Variants in GRID2 observed in about 807,000 individuals in gnomAD.
GRID2 encodes glutamate ionotropic receptor delta type subunit 2, also known as glutamate receptor ionotropic, delta-2.
A neutral mutation model predicts 114.8 loss-of-function variants in GRID2; 33 were observed. The observed-to-expected ratio is 0.29, with a 90% confidence interval of 0.22 to 0.38. GRID2 has a LOEUF of 0.38. Among genes scored for constraint, GRID2 ranks in the 10% least tolerant of loss-of-function variants. The pLI is 1.00. For missense variants in GRID2, 1,184 were observed against 1,257.7 expected (o/e 0.94, Z 0.89); for synonymous variants, 505 against 449.9 (o/e 1.12, Z -1.55).
intron 11 of GRID2, among the ~76,000 whole-genome samples, chr4:93,477,409 G>A (rs1212566879): frequency 6.6e-6 from 1 of 152,064 alleles, no homozygotes; most frequent in Non-Finnish European, 1.5e-5. Flanking sequence ...AACCTGCTTT[G>A]ATTATCCATT....
intron 8 of GRID2, among the ~76,000 whole-genome samples, chr4:93,266,293 A>G (rs1403295265): frequency 1.3e-5 from 2 of 152,318 alleles, no homozygotes; most frequent in East Asian, 1.9e-4. Flanking sequence ...ATACTAAACT[A>G]TATTTCATAG....
chr4:93,666,953 C>T (rs17020948), intron 14 of GRID2, among the ~76,000 whole-genome samples: 10,343 of 152,034 alleles, frequency 0.068, 408 homozygotes, highest in South Asian at 0.11. Flanking sequence ...AGGTTGGTAT[C>T]GGGTGCTCTA....
rs576704230 is a variant in GRID2 at position 92,935,586 on chromosome 4, G to C, written c.245-149409G>C. 3.3e-4 allele frequency among the ~76,000 whole-genome samples: 48 copies of C among 146,642 alleles called. 10 individuals carry two copies. The South Asian group carries it at 8.8e-3, about 27-fold the overall frequency. On this transcript the variant is annotated intron_variant, in intron 2 of 15. Transcript: ENST00000282020. The stretch of plus-strand genomic sequence containing the variant: ...TGCTGCTATAAAAACACACACACAC[G>C]TATGTTTATTGCGGCACTATTCACA...
At chr4:92,738,748 C>T (rs1055519626) in intron 2 of GRID2, among the ~76,000 whole-genome samples, 14 of 152,022 alleles carry the variant, frequency 9.2e-5, no homozygotes, top group Admixed American at 7.9e-4. Context: ...AACTCCTAGG[C>T]TTAAGTGATT....
chr4:93,125,546 C>T (rs989925175), intron 4 of GRID2, among the ~76,000 whole-genome samples: 2 of 152,014 alleles, frequency 1.3e-5, no homozygotes, highest in African/African-American at 2.4e-5. Flanking sequence ...CCTCTCTAAT[C>T]GGCCAAAAAC....
At chr4:92,430,188 G>A (rs1324347288) in intron 1 of GRID2, among the ~76,000 whole-genome samples, 1 of 152,130 alleles carries the variant, frequency 6.6e-6, no homozygotes, top group African/African-American at 2.4e-5. Context: ...ACAGACCAAT[G>A]TCGTGGAAAG....
At chr4:93,170,488 G>A (rs1040468119) in intron 4 of GRID2, among the ~76,000 whole-genome samples, 4 of 152,036 alleles carry the variant, frequency 2.6e-5, no homozygotes, top group African/African-American at 4.8e-5. Context: ...CATCACATCC[G>A]GATGTGTGTT....
intron 2 of GRID2, among the ~76,000 whole-genome samples, chr4:93,072,187 C>CT (rs1175820567): frequency 2.6e-5 from 4 of 152,060 alleles, no homozygotes; most frequent in Admixed American, 2.6e-4. Flanking sequence ...CTATTAAACT[C>CT]TAATTTTTTT....
chr4:92,347,773 G>A (rs1377593741), intron 1 of GRID2, among the ~76,000 whole-genome samples: 1 of 152,014 alleles, frequency 6.6e-6, no homozygotes, highest in African/African-American at 2.4e-5. Flanking sequence ...TAAGAACAAA[G>A]AACAGAGTTT....
At chr4:93,563,767 T>C (rs894602786) in intron 13 of GRID2, among the ~76,000 whole-genome samples, 6 of 151,960 alleles carry the variant, frequency 3.9e-5, no homozygotes, top group Admixed American at 1.3e-4. Flanking sequence ...GCTTAAACAT[T>C]TGAAGAAATA....
At chr4:92,512,746 C>T in intron 1 of GRID2, among the ~76,000 whole-genome samples, 1 of 151,798 alleles carries the variant, frequency 6.6e-6, no homozygotes, top group Non-Finnish European at 1.5e-5. Flanking sequence ...TATATCTCAA[C>T]TGGCAAATCA....
At chr4:93,565,568 A>T (rs1735334382) in intron 13 of GRID2, among the ~76,000 whole-genome samples, 1 of 152,246 alleles carries the variant, frequency 6.6e-6, no homozygotes, top group South Asian at 2.1e-4. Flanking sequence ...ATACATTCTA[A>T]ATGCAAACAT....
chr4:92,506,654 G>A (rs1723987165), intron 1 of GRID2, among the ~76,000 whole-genome samples: 1 of 151,772 alleles, frequency 6.6e-6, no homozygotes, highest in Admixed American at 6.6e-5. Flanking sequence ...TATTCTCACT[G>A]TATCCCTTAC....
intron 12 of GRID2, among the ~76,000 whole-genome samples, chr4:93,514,422 TAC>T (rs56718347): frequency 0.017 from 2,318 of 139,440 alleles, 28 homozygotes; most frequent in African/African-American, 0.037. Context: ...ACCTCCACAG[TAC>T]ACACACACAC....
intron 1 of GRID2, among the ~76,000 whole-genome samples, chr4:92,383,545 G>C (rs1306974898): frequency 6.6e-6 from 1 of 151,954 alleles, no homozygotes; most frequent in African/African-American, 2.4e-5. Flanking sequence ...GTAAGGTATA[G>C]AAAGCCCCCT....
chr4:93,647,103 A>T (rs1208315657), intron 14 of GRID2, among the ~76,000 whole-genome samples: 1 of 152,154 alleles, frequency 6.6e-6, no homozygotes, highest in Non-Finnish European at 1.5e-5. Context: ...TAGATGAAGG[A>T]CTTTGAGCTT....
intron 2 of GRID2, among the ~76,000 whole-genome samples, chr4:92,985,039 A>C (rs1297519083): frequency 6.6e-6 from 1 of 152,040 alleles, no homozygotes; most frequent in East Asian, 1.9e-4. Flanking sequence ...TTTGTATTGG[A>C]AAAACATATG....
chr4:92,326,782 G>T (rs902294836), intron 1 of GRID2, among the ~76,000 whole-genome samples: 1 of 151,952 alleles, frequency 6.6e-6, no homozygotes, highest in African/African-American at 2.4e-5. Context: ...TATATAATTT[G>T]CATAACTTCT....
intron 1 of GRID2, among the ~76,000 whole-genome samples, chr4:92,439,544 G>A (rs1397669076): frequency 6.6e-6 from 1 of 151,764 alleles, no homozygotes; most frequent in African/African-American, 2.4e-5. Context: ...TAGGGGCGGC[G>A]TGGGAACCTA....
Sources: gnomAD v4.1 joint callset for allele counts (sites outside exome capture counted in the v4.1 genomes callset) on GRCh38, gnomAD v4.1.1 for gene constraint, MANE v1.5 for transcripts, NCBI Gene and HGNC (gene_info 2026-07-23, HGNC 2026-07-21) for gene names.